The following GRM7 variants were observed in gnomAD, a reference collection of about 807,000 sequenced individuals.
The protein encoded by GRM7 is metabotropic glutamate receptor 7.
GRM7 carries 35 observed loss-of-function variants against 84.5 expected under a neutral mutation model. That is an observed-to-expected ratio of 0.41 (90% CI 0.32 to 0.55). The LOEUF (loss-of-function observed/expected upper bound fraction) is 0.55, where lower values mean the gene tolerates loss of function less well. Ranked by LOEUF, GRM7 falls within the 20% of genes least tolerant of loss-of-function variation. The pLI is 0.19. For synonymous variants in GRM7, 487 were observed against 455.1 expected (o/e 1.07, Z -0.89); for missense variants, 1,003 against 1,194.6 (o/e 0.84, Z 2.36).
rs112649769 is a variant in GRM7 at position 7,136,184 on chromosome 3, A to AT, written c.520-10258dup. Among the ~76,000 whole-genome samples the AT allele has an allele frequency of 4.1e-3, 615 of 149,656 alleles. 5 individuals are homozygous for AT. Among genetic ancestry groups the AT allele is most frequent in the African/African-American group, 6.9e-3 (281 of 40,942 alleles). ...TGGATTTAATATATTATTTTTATTC[A>AT]TTTTTTTTTTCTATTTTAACTTGGC... On this transcript the variant is annotated intron_variant, in intron 1 of 9. Transcript: ENST00000357716.
intron 1 of GRM7, among the ~76,000 whole-genome samples, chr3:7,018,346 A>G (rs1168876757): frequency 6.6e-6 from 1 of 152,262 alleles, no homozygotes; most frequent in Non-Finnish European, 1.5e-5. Context: ...ATTACAGAGA[A>G]GTGGGAAGAG....
intron 1 of GRM7, among the ~76,000 whole-genome samples, chr3:7,111,041 A>G (rs188051478): frequency 1.3e-5 from 2 of 152,146 alleles, no homozygotes; most frequent in African/African-American, 2.4e-5. Flanking sequence ...AGTCATTAAA[A>G]CAACTTGGAC....
chr3:6,948,810 T>C (rs1340848242), intron 1 of GRM7, among the ~76,000 whole-genome samples: 1 of 152,238 alleles, frequency 6.6e-6, no homozygotes, highest in Non-Finnish European at 1.5e-5. Flanking sequence ...CATTATGTAA[T>C]GGCCTTCTTT....
chr3:7,343,319 G>T (rs542018976), intron 4 of GRM7, among the ~76,000 whole-genome samples: 43 of 151,980 alleles, frequency 2.8e-4, no homozygotes, highest in South Asian at 2.1e-4. Flanking sequence ...CTGCAGCCTC[G>T]ACCTCCTAGG....
At chr3:7,269,444 ACC>A (rs34231933) in intron 2 of GRM7, among the ~76,000 whole-genome samples, 53,911 of 151,046 alleles carry the variant, frequency 0.36, 10,848 homozygotes, top group Admixed American at 0.5. Context: ...TGATGCCTGA[ACC>A]CCCCCCCCAG....
At chr3:7,710,089 G>C (rs1701528178) in intron 9 of GRM7, among the ~76,000 whole-genome samples, 2 of 151,960 alleles carry the variant, frequency 1.3e-5, no homozygotes, top group Non-Finnish European at 2.9e-5. Context: ...TGTATATTAT[G>C]TGTGTATATA....
chr3:6,966,641 T>C (rs1693531984), intron 1 of GRM7, among the ~76,000 whole-genome samples: 1 of 152,220 alleles, frequency 6.6e-6, no homozygotes, highest in African/African-American at 2.4e-5. Context: ...TTAATGTATA[T>C]GATGAATCAG....
At chr3:7,251,300 TAA>T (rs577843968) in intron 2 of GRM7, among the ~76,000 whole-genome samples, 35 of 144,512 alleles carry the variant, frequency 2.4e-4, no homozygotes, top group African/African-American at 7.0e-4. Flanking sequence ...TTCAGTTACT[TAA>T]AAAAAAAAAA....
chr3:6,875,677 C>T (rs771651574), intron 1 of GRM7, among the ~76,000 whole-genome samples: 1 of 152,146 alleles, frequency 6.6e-6, no homozygotes, highest in African/African-American at 2.4e-5. Flanking sequence ...ACATTTTTAC[C>T]TGCTTATAAC....
intron 8 of GRM7, among the ~76,000 whole-genome samples, chr3:7,662,482 AT>A (rs1381295950): frequency 6.6e-6 from 1 of 152,222 alleles, no homozygotes; most frequent in Non-Finnish European, 1.5e-5. Context: ...ATGAACCTTG[AT>A]TGTATTTTGG....
chr3:6,886,449 C>A (rs1176461497), intron 1 of GRM7, among the ~76,000 whole-genome samples: 2 of 152,116 alleles, frequency 1.3e-5, no homozygotes, highest in Admixed American at 6.5e-5. Flanking sequence ...ACCTATGTAA[C>A]AAACTTGCAT....
intron 3 of GRM7, among the ~76,000 whole-genome samples, chr3:7,300,964 A>T (rs1358888442): frequency 6.6e-6 from 1 of 152,192 alleles, no homozygotes; most frequent in Admixed American, 6.6e-5. Context: ...AAGTGAATGA[A>T]ATTCCTAACC....
chr3:7,565,108 T>G (rs1408365544), intron 7 of GRM7, among the ~76,000 whole-genome samples: 1 of 152,194 alleles, frequency 6.6e-6, no homozygotes, highest in African/African-American at 2.4e-5. Context: ...TACATAGATA[T>G]GCATTAAATG....
chr3:7,533,804 A>G (rs1701134052), intron 7 of GRM7, among the ~76,000 whole-genome samples: 1 of 152,200 alleles, frequency 6.6e-6, no homozygotes. Context: ...TTCAACTGCC[A>G]ACTTTCCCTA....
intron 1 of GRM7, among the ~76,000 whole-genome samples, chr3:7,072,230 C>T (rs2124985105): frequency 6.6e-6 from 1 of 152,178 alleles, no homozygotes; most frequent in South Asian, 2.1e-4. Context: ...ATTAGTTATC[C>T]CAAACTCTTA....
At chr3:7,412,151 T>C (rs887557561) in intron 4 of GRM7, among the ~76,000 whole-genome samples, 3 of 152,198 alleles carry the variant, frequency 2.0e-5, no homozygotes, top group Non-Finnish European at 2.9e-5. Context: ...GCTTTATTTT[T>C]CTGAATCATT....
At chr3:6,954,095 A>G (rs1323748730) in intron 1 of GRM7, among the ~76,000 whole-genome samples, 2 of 152,230 alleles carry the variant, frequency 1.3e-5, no homozygotes, top group African/African-American at 2.4e-5. Flanking sequence ...ACAAATATGC[A>G]TAGAATGTAC....
At chr3:7,650,980 C>A (rs1359589715) in intron 8 of GRM7, among the ~76,000 whole-genome samples, 2 of 152,222 alleles carry the variant, frequency 1.3e-5, no homozygotes, top group Non-Finnish European at 2.9e-5. Flanking sequence ...ATCCTACCCC[C>A]AAACCCCAGC....
intron 2 of GRM7, among the ~76,000 whole-genome samples, chr3:7,245,070 T>C (rs572652628): frequency 6.6e-6 from 1 of 152,108 alleles, no homozygotes; most frequent in South Asian, 2.1e-4. Flanking sequence ...GCGTACTGGA[T>C]ATAACATCTT....
Sources: allele counts gnomAD v4.1 joint callset (sites outside exome capture counted in the v4.1 genomes callset), GRCh38; gene constraint gnomAD v4.1.1; transcripts MANE v1.5; gene names NCBI Gene and HGNC (gene_info 2026-07-23, HGNC 2026-07-21).